LAMB1: variants seen among roughly 807,000 people sequenced by gnomAD.
LAMB1 encodes laminin subunit beta 1, also known as laminin subunit beta-1.
A neutral mutation model predicts 222.3 loss-of-function variants in LAMB1; 121 were observed. The observed-to-expected ratio is 0.54, with a 90% confidence interval of 0.47 to 0.63. LAMB1 has a LOEUF of 0.63. LAMB1 is among the 30% of genes least tolerant of loss of function. The pLI, the probability that LAMB1 is intolerant of heterozygous loss-of-function variation, is 0.00. For synonymous variants in LAMB1, 794 were observed against 807.2 expected (o/e 0.98, Z 0.28); for missense variants, 2,172 against 2,240.8 (o/e 0.97, Z 0.62).
In LAMB1 at chr7:107,978,116, G is replaced by T; in HGVS notation, c.931C>A (p.Leu311Ile). Reference protein sequence around the residue: ...RHNTKGLNCELCMDFYHDLPW... With the variant: ...RHNTKGLNCEICMDFYHDLPW... The stretch of plus-strand genomic sequence containing the variant: ...AAATCATGGTAGAAATCCATGCAGA[G>T]TTCACAGTTTAAGCCCTTGGTGTTA... The change falls in exon 9 of 34, where the codon CTC (leucine) becomes ATC (isoleucine). Residue 311 changes from leucine to isoleucine, a missense_variant. Transcript: ENST00000222399. 1 of 1,614,018 alleles carries T rather than the reference G, an allele frequency of 6.2e-7. No homozygotes were observed. Among genetic ancestry groups the T allele is most frequent in the Non-Finnish European group, 8.5e-7 (1 of 1,179,882 alleles).
intron 14 of LAMB1, among the ~76,000 whole-genome samples, chr7:107,963,897 G>A (rs1562992585): frequency 2.0e-5 from 3 of 152,182 alleles, no homozygotes; most frequent in South Asian, 4.1e-4. Context: ...TCGGGAGTTC[G>A]AGACCAGCCT....
intron 26 of LAMB1, 132 bp from the exon 27 acceptor site, chr7:107,935,788 T>A: frequency 2.0e-6 from 2 of 1,019,620 alleles, no homozygotes; most frequent in African/African-American, 1.6e-5. Context: ...AAAATATTTA[T>A]GAAGTACAGT....
At chr7:107,999,247 C>A (rs111822575) in intron 3 of LAMB1, among the ~76,000 whole-genome samples, 3 of 152,194 alleles carry the variant, frequency 2.0e-5, no homozygotes, top group Admixed American at 6.5e-5. Context: ...CCAGAGCCAC[C>A]TGGGCAGTTG....
At chr7:107,979,515 C>A (rs1039376456) in intron 8 of LAMB1, among the ~76,000 whole-genome samples, 1 of 152,144 alleles carries the variant, frequency 6.6e-6, no homozygotes, top group Non-Finnish European at 1.5e-5. Context: ...AATCCTTGGG[C>A]TCTATCACCA....
At chr7:107,926,159 C>G in intron 32 of LAMB1, 24 bp downstream of exon 32, 3 of 1,601,286 alleles carry the variant, frequency 1.9e-6, no homozygotes, top group South Asian at 1.1e-5. Flanking sequence ...CAACATAGCT[C>G]TGAAATTACA....
Position 107,935,427 on chromosome 7 carries a change from G to A in LAMB1, c.4176C>T (p.Ala1392=), listed in dbSNP as rs143385719. 252 of 1,594,690 alleles carry A rather than the reference G, an allele frequency of 1.6e-4. 3 individuals are homozygous for A. The African/African-American group carries it at 2.7e-3, about 17-fold the overall frequency. ...AGKLQSLDLS[A]AAEMTCGTPP... ...CCCCAAACCTTACCATTTCGGCAGC[G>A]GCTGAAAGGTCTAGGCTTTGTAGCT... The change falls in exon 27 of 34, where the codon GCC becomes GCT. Residue 1392 remains alanine, a synonymous_variant. Coordinates refer to ENST00000222399, the MANE Select transcript of LAMB1 (RefSeq NM_002291.3).
intron 27 of LAMB1, 37 bp downstream of exon 27, chr7:107,935,372 TTGCTTG>T: frequency 8.1e-7 from 1 of 1,230,880 alleles, no homozygotes; most frequent in Non-Finnish European, 1.0e-6. Flanking sequence ...TTTTTTTTTT[TTGCTTG>T]GCACCATAGC....
chr7:107,992,876 T>C lies in LAMB1; in HGVS notation c.423+2011A>G, dbSNP rs531772271. 3.3e-5 allele frequency among the ~76,000 whole-genome samples: 5 copies of C among 152,050 alleles called. No homozygotes were observed. In the East Asian group the frequency reaches 5.8e-4, roughly 18 times the overall value. On this transcript the variant is annotated intron_variant, in intron 5 of 33. Coordinates refer to ENST00000222399, the MANE Select transcript of LAMB1 (RefSeq NM_002291.3). ...CACCACTGCACTCCAGCCTGGGCAATAGAGCAAGACTCAGTATTTAAAAAA... is the reference window on the plus strand; with the variant it reads ...CACCACTGCACTCCAGCCTGGGCAACAGAGCAAGACTCAGTATTTAAAAAA...
intron 29 of LAMB1, among the ~76,000 whole-genome samples, chr7:107,930,805 A>G (rs74436795): frequency 0.04 from 6,077 of 152,268 alleles, 386 homozygotes; most frequent in African/African-American, 0.14. Flanking sequence ...GATGAAAAGT[A>G]TGTGGGTCGC....
chr7:107,951,128 T>A (rs1437831859), intron 24 of LAMB1, 98 bp downstream of exon 24: 1 of 817,882 alleles, frequency 1.2e-6, no homozygotes, highest in Non-Finnish European at 2.0e-6. Context: ...ATAGACACGT[T>A]AATTTGTACT....
chr7:107,990,820 T>A (rs1164702267), intron 5 of LAMB1, among the ~76,000 whole-genome samples: 1 of 152,178 alleles, frequency 6.6e-6, no homozygotes, highest in South Asian at 2.1e-4. Flanking sequence ...ACACATGGGA[T>A]TTGAAAAAGC....
chr7:107,962,281 C>T (rs1355894403), intron 15 of LAMB1, among the ~76,000 whole-genome samples: 3 of 152,156 alleles, frequency 2.0e-5, no homozygotes, highest in African/African-American at 7.2e-5. Flanking sequence ...CGTTACAGTT[C>T]GGGGCTTCAG....
chr7:107,933,069 T>C (rs992997948), intron 27 of LAMB1, among the ~76,000 whole-genome samples: 11 of 152,170 alleles, frequency 7.2e-5, no homozygotes, highest in African/African-American at 2.4e-4. Flanking sequence ...GTTCCCAAAT[T>C]ACCACCCCCG....
At position 107,975,884 on chromosome 7, in the gene LAMB1, G is replaced by A; in HGVS notation, c.1001-7C>T. The A allele has an allele frequency of 6.2e-7, 1 of 1,612,262 alleles. No individual in the cohort carries two copies. The highest frequency in any genetic ancestry group is 1.3e-5 in the African/African-American group (1 of 75,010). Reference sequence around the variant, plus strand: ...TGTTCATTGCAGTTACATTCTGCGTGACAAGAGCAACGTCAAGAAAAGCTT... The same window carrying A: ...TGTTCATTGCAGTTACATTCTGCGTAACAAGAGCAACGTCAAGAAAAGCTT... On this transcript the variant is annotated splice_region_variant and splice_polypyrimidine_tract_variant and intron_variant, in intron 9 of 33. Coordinates refer to ENST00000222399, the MANE Select transcript of LAMB1 (RefSeq NM_002291.3).
chr7:107,978,546 G>C (rs1261400326), intron 8 of LAMB1, among the ~76,000 whole-genome samples: 1 of 150,956 alleles, frequency 6.6e-6, no homozygotes, highest in African/African-American at 2.4e-5. Flanking sequence ...AGAACTAAAT[G>C]CATACATACC....
chr7:107,944,370 G>A (rs1412649771), intron 24 of LAMB1, among the ~76,000 whole-genome samples: 2 of 152,142 alleles, frequency 1.3e-5, no homozygotes, highest in African/African-American at 4.8e-5. Context: ...AAATTAGCCT[G>A]GGTAAGAGTT....
At chr7:107,985,709 G>C (rs551640381) in intron 7 of LAMB1, among the ~76,000 whole-genome samples, 2 of 151,998 alleles carry the variant, frequency 1.3e-5, no homozygotes, top group Non-Finnish European at 2.9e-5. Flanking sequence ...TGTAATCCCA[G>C]CACTTTGGGA....
chr7:107,978,162 G>A lies in LAMB1; in HGVS notation c.885C>T (p.His295=), dbSNP rs148587474. The change falls in exon 9 of 34, where the codon CAC becomes CAT. Residue 295 remains histidine (H), a synonymous_variant. Transcript: ENST00000222399. ...TGTTATGCCTGCACATGCAGTGTCC[G>A]TGAACCTTGAAAGTTATAAAAACAG... ...GFNEEVEGMV[H]GHCMCRHNTK... is the part of the protein sequence containing the mutation. The A allele has an allele frequency of 8.7e-4, 1,400 of 1,613,648 alleles. 16 individuals are homozygous for A. The African/African-American group carries it at 0.017, about 19-fold the overall frequency.
rs556735127 is a variant in LAMB1, at chr7:107,961,322, C to T, written c.1993G>A (p.Val665Ile). Residue 665 changes from valine to isoleucine, a missense_variant, in exon 17 of 34, where the codon GTC becomes ATC. Physicochemically the swap from Val to Ile is conservative, Grantham distance 29. Coordinates refer to ENST00000222399, the MANE Select transcript of LAMB1 (RefSeq NM_002291.3). ...VSLSPGSRYV[V>I]LPRPVCFEKG... ...TCAAAGCACACCGGCCGAGGAAGGA[C>T]GACATATCTGCCCCCAAACAAAAAA... 4.5e-5 allele frequency: 72 copies of T among 1,613,608 alleles called. No individual in the cohort carries two copies. In the Middle Eastern group the frequency reaches 5.0e-4, roughly 11 times the overall value.
Sources: gnomAD v4.1 joint callset for allele counts (sites outside exome capture counted in the v4.1 genomes callset) on GRCh38, gnomAD v4.1.1 for gene constraint, MANE v1.5 for transcripts, NCBI Gene and HGNC (gene_info 2026-07-23, HGNC 2026-07-21) for gene names.